Variants in GAPVD1 observed in about 807,000 individuals in gnomAD.
GAPVD1 encodes the protein GTPase-activating protein and VPS9 domain-containing protein 1.
Under a neutral mutation model 155.5 loss-of-function variants are expected in GAPVD1, and 35 were observed. The ratio of observed to expected loss-of-function variants is 0.23; its 90% CI spans 0.17 to 0.30. The LOEUF (loss-of-function observed/expected upper bound fraction) is 0.30, where lower values mean the gene tolerates loss of function less well. GAPVD1 is among the 10% of genes least tolerant of loss of function. The pLI, the probability that GAPVD1 is intolerant of heterozygous loss-of-function variation, is 1.00. For synonymous variants in GAPVD1, 636 were observed against 619.7 expected, an observed-to-expected ratio of 1.03 and a Z score of -0.39; for missense variants, 1,429 against 1,775.7, an observed-to-expected ratio of 0.80 and a Z score of 3.51.
At chr9:125,275,672 C>T (rs1335920419) in intron 2 of GAPVD1, among the ~76,000 whole-genome samples, 1 of 152,094 alleles carries the variant, frequency 6.6e-6, no homozygotes, top group East Asian at 1.9e-4. Flanking sequence ...GGACGATCAC[C>T]TGAACCCGAG....
intron 18 of GAPVD1, 50 bp downstream of exon 18, chr9:125,341,314 C>T: frequency 1.1e-6 from 1 of 906,642 alleles, no homozygotes; most frequent in Non-Finnish European, 1.8e-6. Context: ...GAAGCAAAGC[C>T]CCAGAATCTC....
At chr9:125,324,354 G>C (rs1056108154) in intron 11 of GAPVD1, among the ~76,000 whole-genome samples, 3 of 152,150 alleles carry the variant, frequency 2.0e-5, no homozygotes. Context: ...ACTTTGGGTG[G>C]CTGAGGCGGG....
Position 125,293,868 on chromosome 9 carries a change from A to ATTTTT in GAPVD1, c.-149-1589_-149-1588insTTTTT, listed in dbSNP as rs1437472068. Among the ~76,000 whole-genome samples the ATTTTT allele has an allele frequency of 3.6e-4, 7 of 19,346 alleles. 1 individual carries two copies. Among genetic ancestry groups the ATTTTT allele is most frequent in the South Asian group, 2.3e-3 (2 of 874 alleles). The allele number at this position is 19,346 out of a possible 152,430, so 12.7% of individuals were successfully genotyped here. On this transcript the variant is annotated intron_variant, in intron 2 of 27. Coordinates refer to ENST00000297933, the MANE Select transcript of GAPVD1 (RefSeq NM_001282680.3). ...AAATATATTTTATATATATATATAT[A>ATTTTT]TATATATATATATATATATATATAT...
chr9:125,348,033 G>GTA (rs150785788), intron 20 of GAPVD1, among the ~76,000 whole-genome samples: 3,371 of 152,014 alleles, frequency 0.022, 134 homozygotes, highest in East Asian at 0.087. Flanking sequence ...GTGTGTGTGT[G>GTA]TATATATATA....
In GAPVD1 at chr9:125,301,983, T is replaced by C. The variant is rs751711480; in HGVS notation, c.186T>C (p.Ser62=). 1 of 1,542,046 alleles carries C rather than the reference T, an allele frequency of 6.5e-7. No individual in the cohort carries two copies. Among genetic ancestry groups the C allele is most frequent in the Non-Finnish European group, 8.7e-7 (1 of 1,150,508 alleles). ...RINLDRLIIT[S]AEASPAECCQ... ...TTGCTCTTTTTTTTTTTTTTTTTAG[T>C]GCTGAAGCTTCCCCTGCTGAATGTT... Residue 62 remains serine, a splice_region_variant and synonymous_variant, in exon 5 of 28, where the codon AGT becomes AGC. Transcript: ENST00000297933.
Position 125,321,200 on chromosome 9 carries a change from T to G in GAPVD1, c.1603-233T>G, listed in dbSNP as rs190853227. ...CACCACTACTCATCTGGTAGTCTGG[T>G]TGCCTGTTCTATCTGTAACACTCGT... On this transcript the variant is annotated intron_variant, in intron 9 of 27. Transcript: ENST00000297933. 3.3e-5 allele frequency among the ~76,000 whole-genome samples: 5 copies of G among 152,332 alleles called. No individual in the cohort carries two copies. The East Asian group carries it at 9.6e-4, about 29-fold the overall frequency.
At chr9:125,304,652 A>G (rs1393747108) in intron 5 of GAPVD1, among the ~76,000 whole-genome samples, 1 of 152,212 alleles carries the variant, frequency 6.6e-6, no homozygotes, top group Non-Finnish European at 1.5e-5. Flanking sequence ...AAAAAATTAT[A>G]CCTTGATTGC....
chr9:125,293,878 A>ATAAATATATTT (rs1564312039), intron 2 of GAPVD1, among the ~76,000 whole-genome samples: 1 of 18,988 alleles, frequency 5.3e-5, no homozygotes. Flanking sequence ...ATATATATAT[A>ATAAATATATTT]TATATATATA....
At position 125,284,874 on chromosome 9, in the gene GAPVD1, T is replaced by A. The variant is rs528252639; in HGVS notation, c.-149-10584T>A. ...TGTTTGTGTATCTAAACAAGAAAAA[T>A]AGTACAGTAAGAATATTGTATAAAA... On this transcript the variant is annotated intron_variant, in intron 2 of 27. Coordinates refer to ENST00000297933, the MANE Select transcript of GAPVD1 (RefSeq NM_001282680.3). Among the ~76,000 whole-genome samples the A allele has an allele frequency of 2.6e-5, 4 of 152,220 alleles. No individual in the cohort carries two copies. The South Asian group carries it at 8.3e-4, about 32-fold the overall frequency.
Position 125,302,636 on chromosome 9 carries a change from T to G in GAPVD1, c.839T>G (p.Leu280Ter). 1 of 1,613,850 alleles carries G rather than the reference T, an allele frequency of 6.2e-7. No homozygotes were observed. The highest frequency in any genetic ancestry group is 8.5e-7 in the Non-Finnish European group (1 of 1,179,806). ...KQNTYCFPHS[L>*]RWIVSQMYKT... ...AACACATATTGTTTTCCACATAGTT[T>G]AAGGTGGATCGTGTCTCAGATGTAC... Residue 280 changes from leucine (L) to a stop codon, truncating the protein, a stop_gained, in exon 5 of 28, where the codon TTA becomes TGA. Coordinates refer to ENST00000297933, the MANE Select transcript of GAPVD1 (RefSeq NM_001282680.3). LOFTEE classifies it high-confidence loss of function.
rs141361170 is a variant in GAPVD1 at position 125,307,967 on chromosome 9, T to C, written c.1441+87T>C. On this transcript the variant is annotated intron_variant, in intron 8 of 27. Coordinates refer to ENST00000297933, the MANE Select transcript of GAPVD1 (RefSeq NM_001282680.3). ...ATTGCTGAGTGTTTTGGAACATATG[T>C]TTAAGTACTTGGGAAAGTCTTTCTC... The C allele has an allele frequency of 8.1e-5, 73 of 902,574 alleles. No individual in the cohort carries two copies. The African/African-American group carries it at 1.1e-3, about 14-fold the overall frequency. The allele number at this position is 902,574 out of a possible 1,614,324, so 55.9% of individuals were successfully genotyped here.
chr9:125,274,953 C>G (rs1835523942), intron 2 of GAPVD1, among the ~76,000 whole-genome samples: 2 of 152,124 alleles, frequency 1.3e-5, no homozygotes, highest in Non-Finnish European at 2.9e-5. Context: ...GCGTTTAACT[C>G]CTAGACTGCC....
intron 3 of GAPVD1, 102 bp from the exon 4 acceptor site, chr9:125,298,788 A>C (rs1170755821): frequency 1.7e-6 from 1 of 576,972 alleles, no homozygotes; most frequent in African/African-American, 1.9e-5. Flanking sequence ...GCGCCTGCCC[A>C]AATGTAACTG....
rs941377093 is a variant in GAPVD1, at chr9:125,271,913, C to T, written c.-150+2929C>T. 6.6e-5 allele frequency among the ~76,000 whole-genome samples: 10 copies of T among 152,286 alleles called. No individual in the cohort carries two copies. In the East Asian group the frequency reaches 1.9e-3, roughly 29 times the overall value. ...ATTTATATTTACTTACTTCCATTAT[C>T]TTGGCTACTTTACAAAAATGCATTA... is the stretch of plus-strand genomic sequence containing the variant. On this transcript the variant is annotated intron_variant, in intron 2 of 27. Coordinates refer to ENST00000297933, the MANE Select transcript of GAPVD1 (RefSeq NM_001282680.3).
intron 9 of GAPVD1, among the ~76,000 whole-genome samples, chr9:125,315,159 T>G (rs1010554987): frequency 1.4e-4 from 21 of 152,100 alleles, no homozygotes; most frequent in African/African-American, 5.1e-4. Context: ...GAGGCCAGTT[T>G]TAGTGATTGA....
chr9:125,277,849 A>T (rs1256545072), intron 2 of GAPVD1, among the ~76,000 whole-genome samples: 1 of 151,838 alleles, frequency 6.6e-6, no homozygotes, highest in Non-Finnish European at 1.5e-5. Flanking sequence ...AAATTTTTTT[A>T]TAGAAACAGA....
chr9:125,338,250 C>A (rs1847317542), intron 17 of GAPVD1, among the ~76,000 whole-genome samples: 1 of 152,168 alleles, frequency 6.6e-6, no homozygotes, highest in Non-Finnish European at 1.5e-5. Context: ...CACTCCCTCC[C>A]CATTTGTGAG....
At chr9:125,343,532 A>G (rs569659740) in intron 19 of GAPVD1, among the ~76,000 whole-genome samples, 119 of 152,324 alleles carry the variant, frequency 7.8e-4, no homozygotes, top group Non-Finnish European at 1.4e-3. Context: ...ATGTATTTCC[A>G]TATCCTAGCA....
chr9:125,341,099 A>G (rs1847789810), intron 17 of GAPVD1, 78 bp from the exon 18 acceptor site: 4 of 836,570 alleles, frequency 4.8e-6, no homozygotes, highest in Non-Finnish European at 8.4e-6. Flanking sequence ...CAAAACAAAA[A>G]CAAACAAAAA....
Sources: gnomAD v4.1 joint callset for allele counts (sites outside exome capture counted in the v4.1 genomes callset) on GRCh38, gnomAD v4.1.1 for gene constraint, MANE v1.5 for transcripts, NCBI Gene and HGNC (gene_info 2026-07-23, HGNC 2026-07-21) for gene names.